Variants in DDX19B observed in about 807,000 individuals in gnomAD.
DDX19B encodes ATP-dependent RNA helicase DDX19B.
Under a neutral mutation model 58.1 loss-of-function variants are expected in DDX19B, and 27 were observed. The ratio of observed to expected loss-of-function variants is 0.46; its 90% CI spans 0.34 to 0.64. DDX19B has a LOEUF of 0.64. DDX19B is among the 30% of genes least tolerant of loss of function. The probability of loss-of-function intolerance (pLI) is 0.01; values close to 1 mark genes in which losing one functional copy is unlikely to be tolerated. For missense variants in DDX19B, 399 were observed against 596.5 expected, an observed-to-expected ratio of 0.67 and a Z score of 3.45; for synonymous variants, 187 against 214.4, an observed-to-expected ratio of 0.87 and a Z score of 1.12.
At position 70,314,872 on chromosome 16, in the gene DDX19B, T is replaced by G. The variant is rs118184889; in HGVS notation, c.107-30T>G. 1.6e-5 allele frequency: 26 copies of G among 1,606,300 alleles called. No individual in the cohort carries two copies. The African/African-American group carries it at 2.5e-4, about 16-fold the overall frequency. Reference sequence around the variant, plus strand: ...CAACTGTTGGGTATGGGATGCGATTTTGAATGATGGCCACTTTGTGTCTAT... The same window carrying G: ...CAACTGTTGGGTATGGGATGCGATTGTGAATGATGGCCACTTTGTGTCTAT... On this transcript the variant is annotated intron_variant, in intron 2 of 11. Coordinates refer to ENST00000288071, the MANE Select transcript of DDX19B (RefSeq NM_007242.7).
chr16:70,289,920 C>T (rs1483510902), upstream of DDX19B: 3 of 357,594 alleles, frequency 8.4e-6, no homozygotes, highest in Non-Finnish European at 1.7e-5. Context: ...GATACACAGC[C>T]CTCAAAGAGT....
At chr16:70,333,417 C>T (rs1963585095) in intron 11 of DDX19B, 104 bp from the exon 12 acceptor site, 3 of 1,557,292 alleles carry the variant, frequency 1.9e-6, no homozygotes. Context: ...CCTGCTGCCC[C>T]CTGCTTAGGC....
chr16:70,311,936 G>T (rs1448260101), intron 1 of DDX19B, among the ~76,000 whole-genome samples: 1 of 151,984 alleles, frequency 6.6e-6, no homozygotes, highest in Non-Finnish European at 1.5e-5. Flanking sequence ...CCGCCTCCTG[G>T]GTTCAAGCGA....
intron 7 of DDX19B, among the ~76,000 whole-genome samples, chr16:70,326,866 G>A (rs996863437): frequency 2.0e-5 from 3 of 150,650 alleles, no homozygotes; most frequent in African/African-American, 4.9e-5. Flanking sequence ...AGAGAGTCTC[G>A]CCCTGTCGCC....
At chr16:70,302,829 C>CA (rs1961552275) in intron 1 of DDX19B, among the ~76,000 whole-genome samples, 1 of 152,152 alleles carries the variant, frequency 6.6e-6, no homozygotes, top group East Asian at 1.9e-4. Context: ...AACTATTTTC[C>CA]AAAGTGTATC....
intron 9 of DDX19B, among the ~76,000 whole-genome samples, chr16:70,331,103 G>C (rs978113627): frequency 2.0e-5 from 3 of 152,080 alleles, no homozygotes; most frequent in African/African-American, 7.2e-5. Context: ...TTGAGATAAG[G>C]TCTTGCTCTA....
chr16:70,291,811 A>AAAAT (rs780765226), upstream of DDX19B, among the ~76,000 whole-genome samples: 9 of 151,458 alleles, frequency 5.9e-5, no homozygotes, highest in Admixed American at 2.6e-4. Context: ...ACTTTGTCTC[A>AAAAT]AAATAAATAA....
At chr16:70,324,467 G>T in intron 5 of DDX19B, 118 bp from the exon 6 acceptor site, 5 of 718,558 alleles carry the variant, frequency 7.0e-6, no homozygotes, top group Non-Finnish European at 6.7e-6. Context: ...GCTAGCATAT[G>T]TAACTCTGCT....
intron 5 of DDX19B, among the ~76,000 whole-genome samples, chr16:70,318,777 C>T (rs1962586794): frequency 7.9e-6 from 1 of 125,946 alleles, no homozygotes. Context: ...GCCTGGGCAA[C>T]AAAAGCAAAA....
chr16:70,332,247 T>G (rs545752778), intron 10 of DDX19B, among the ~76,000 whole-genome samples: 1 of 152,236 alleles, frequency 6.6e-6, no homozygotes, highest in Non-Finnish European at 1.5e-5. Flanking sequence ...TTCTGCTGTA[T>G]GCCTGTATGT....
chr16:70,316,077 C>G lies in DDX19B; in HGVS notation c.269C>G (p.Ser90Trp). Reference sequence around the variant, plus strand: ...CGGGATCCAAACTCCCCTCTGTACTCGGTGAAGTCTTTTGAAGAGCTTCGG... The same window carrying G: ...CGGGATCCAAACTCCCCTCTGTACTGGGTGAAGTCTTTTGAAGAGCTTCGG... ...LQRDPNSPLYSVKSFEELRLK... is the reference protein window; with the variant it reads ...LQRDPNSPLYWVKSFEELRLK... The change falls in exon 4 of 12, where the codon TCG (serine) becomes TGG (tryptophan). Residue 90 changes from serine to tryptophan, a missense_variant. Physicochemically the swap from Ser to Trp is radical, Grantham distance 177 (BLOSUM62 -3). Transcript: ENST00000288071. The G allele has an allele frequency of 6.2e-7, 1 of 1,614,082 alleles. No individual in the cohort carries two copies. Among genetic ancestry groups the G allele is most frequent in the Non-Finnish European group, 8.5e-7 (1 of 1,180,020 alleles).
At chr16:70,293,704 T>A (rs887427935), upstream of DDX19B, among the ~76,000 whole-genome samples, 1 of 144,606 alleles carries the variant, frequency 6.9e-6, no homozygotes, top group East Asian at 2.1e-4. Flanking sequence ...CTCCGCTTCC[T>A]GGGTTCACGC....
chr16:70,323,203 C>T (rs138057237), intron 5 of DDX19B, among the ~76,000 whole-genome samples: 8 of 152,114 alleles, frequency 5.3e-5, no homozygotes, highest in Middle Eastern at 3.4e-3. Flanking sequence ...ACCTCCTGGG[C>T]TCAAGAGATC....
intron 2 of DDX19B, among the ~76,000 whole-genome samples, chr16:70,314,008 CTGA>C (rs886706558): frequency 1.6e-4 from 24 of 152,076 alleles, no homozygotes; most frequent in Admixed American, 1.5e-3. Flanking sequence ...ACTCAGGATA[CTGA>C]AACAGTGGAA....
chr16:70,315,386 CAAAAA>C (rs750665674), intron 3 of DDX19B, among the ~76,000 whole-genome samples: 3 of 54,606 alleles, frequency 5.5e-5, no homozygotes, highest in Non-Finnish European at 7.7e-5. Flanking sequence ...GACTCTGTCT[CAAAAA>C]AAAAAAAAAA....
intron 7 of DDX19B, among the ~76,000 whole-genome samples, chr16:70,327,092 C>T (rs1200036114): frequency 6.6e-6 from 1 of 151,952 alleles, no homozygotes; most frequent in Non-Finnish European, 1.5e-5. Context: ...CCTTGGCCTC[C>T]CAAAGTGCTG....
chr16:70,289,981 T>G (rs1158716184), upstream of DDX19B: 2 of 327,368 alleles, frequency 6.1e-6, no homozygotes, highest in Admixed American at 8.1e-5. Flanking sequence ...TTGAATTTGG[T>G]GTGGAAGAAA....
At chr16:70,318,929 C>T (rs1962603100) in intron 5 of DDX19B, among the ~76,000 whole-genome samples, 1 of 151,668 alleles carries the variant, frequency 6.6e-6, no homozygotes, top group African/African-American at 2.4e-5. Context: ...ACGGTGAAAC[C>T]CCATCTCTAC....
chr16:70,302,788 G>A (rs149920892), intron 1 of DDX19B, among the ~76,000 whole-genome samples: 149 of 152,272 alleles, frequency 9.8e-4, no homozygotes, highest in African/African-American at 3.5e-3. Context: ...GTGTTATGTC[G>A]TATGTGTTTA....
Sources: allele counts gnomAD v4.1 joint callset (sites outside exome capture counted in the v4.1 genomes callset), GRCh38; gene constraint gnomAD v4.1.1; transcripts MANE v1.5; gene names NCBI Gene and HGNC (gene_info 2026-07-23, HGNC 2026-07-21).